The following PELI2 variants were observed in gnomAD, a reference collection of about 807,000 sequenced individuals.
PELI2 encodes pellino E3 ubiquitin protein ligase family member 2.
PELI2 carries 23 observed loss-of-function variants against 42.3 expected under a neutral mutation model. The ratio of observed to expected loss-of-function variants is 0.54; its 90% CI spans 0.39 to 0.77. PELI2 has a LOEUF of 0.77. Ranked by LOEUF, PELI2 falls within the 30% of genes least tolerant of loss-of-function variation. PELI2 has a pLI of 0.00. For synonymous variants in PELI2, 245 were observed against 212.2 expected, an observed-to-expected ratio of 1.15 and a Z score of -1.34; for missense variants, 463 against 553.2, an observed-to-expected ratio of 0.84 and a Z score of 1.64.
chr14:56,166,774 G>T (rs1434579243), intron 1 of PELI2, among the ~76,000 whole-genome samples: 1 of 123,696 alleles, frequency 8.1e-6, no homozygotes, highest in Non-Finnish European at 1.9e-5. Flanking sequence ...TTTGTTGATT[G>T]GTTTTTTTTT....
intron 2 of PELI2, among the ~76,000 whole-genome samples, chr14:56,249,085 A>C (rs547353456): frequency 6.6e-6 from 1 of 152,210 alleles, no homozygotes; most frequent in South Asian, 2.1e-4. Context: ...TGGCCATGGG[A>C]TATAGATTAT....
At chr14:56,141,319 G>A (rs546448590) in intron 1 of PELI2, among the ~76,000 whole-genome samples, 5 of 152,168 alleles carry the variant, frequency 3.3e-5, no homozygotes, top group African/African-American at 7.2e-5. Flanking sequence ...TTGTATGTGC[G>A]CCCCTGTGCC....
intron 2 of PELI2, among the ~76,000 whole-genome samples, chr14:56,253,662 C>T (rs1262517357): frequency 1.3e-5 from 2 of 152,130 alleles, no homozygotes; most frequent in African/African-American, 4.8e-5. Flanking sequence ...ATGATCTCTT[C>T]AAGGAGAACT....
At chr14:56,276,337 C>A (rs930978349) in intron 2 of PELI2, among the ~76,000 whole-genome samples, 3 of 152,230 alleles carry the variant, frequency 2.0e-5, no homozygotes, top group Admixed American at 2.0e-4. Context: ...TGACGATGAT[C>A]CTGCTGGTGG....
chr14:56,127,687 C>G (rs758324977), intron 1 of PELI2, among the ~76,000 whole-genome samples: 13 of 152,152 alleles, frequency 8.5e-5, no homozygotes, highest in Non-Finnish European at 4.4e-5. Flanking sequence ...GTTACTGCCT[C>G]CAGATTGAAC....
intron 1 of PELI2, among the ~76,000 whole-genome samples, chr14:56,126,457 A>T (rs561586833): frequency 5.3e-5 from 8 of 152,320 alleles, no homozygotes; most frequent in Admixed American, 5.2e-4. Context: ...GCTCATGCAG[A>T]ATCTGTTTTT....
chr14:56,250,233 C>T (rs1888298804), intron 2 of PELI2, among the ~76,000 whole-genome samples: 1 of 152,144 alleles, frequency 6.6e-6, no homozygotes, highest in African/African-American at 2.4e-5. Context: ...GGAAACATTT[C>T]TATTTGTTGA....
chr14:56,139,236 G>A (rs1048439070), intron 1 of PELI2, among the ~76,000 whole-genome samples: 1 of 152,182 alleles, frequency 6.6e-6, no homozygotes, highest in African/African-American at 2.4e-5. Context: ...CAAGGAAGGT[G>A]GAGGAGGAGG....
intron 1 of PELI2, among the ~76,000 whole-genome samples, chr14:56,177,440 T>C (rs930628740): frequency 1.3e-5 from 2 of 152,238 alleles, no homozygotes; most frequent in African/African-American, 4.8e-5. Flanking sequence ...TTCCTTGTTT[T>C]AGTTTTTTAT....
At chr14:56,174,845 C>T (rs1028749475) in intron 1 of PELI2, among the ~76,000 whole-genome samples, 1 of 152,170 alleles carries the variant, frequency 6.6e-6, no homozygotes, top group Non-Finnish European at 1.5e-5. Context: ...CAGGACGTTA[C>T]AGTCGGGCTC....
At chr14:56,154,558 C>T (rs982164366) in intron 1 of PELI2, among the ~76,000 whole-genome samples, 4 of 152,222 alleles carry the variant, frequency 2.6e-5, no homozygotes, top group Non-Finnish European at 5.9e-5. Context: ...CGTTAGTTTC[C>T]TGAGGCCTCC....
chr14:56,237,736 A>G (rs1383319280), intron 2 of PELI2, among the ~76,000 whole-genome samples: 2 of 150,890 alleles, frequency 1.3e-5, no homozygotes, highest in Non-Finnish European at 2.9e-5. Context: ...AGTTAGACAT[A>G]CTATTCCAGA....
intron 3 of PELI2, among the ~76,000 whole-genome samples, chr14:56,280,706 T>C (rs978497447): frequency 6.6e-6 from 1 of 152,136 alleles, no homozygotes; most frequent in Non-Finnish European, 1.5e-5. Context: ...AGAATTCATA[T>C]TCTTGGAATA....
chr14:56,230,223 G>A (rs1259519442), intron 2 of PELI2, among the ~76,000 whole-genome samples: 2 of 152,086 alleles, frequency 1.3e-5, no homozygotes, highest in African/African-American at 4.8e-5. Flanking sequence ...AGGCAGGCCA[G>A]CATTCAAATT....
At chr14:56,158,338 T>A (rs542262739) in intron 1 of PELI2, among the ~76,000 whole-genome samples, 1 of 151,478 alleles carries the variant, frequency 6.6e-6, no homozygotes, top group Non-Finnish European at 1.5e-5. Flanking sequence ...AAGATTCTTA[T>A]TTTAATTTAA....
At position 56,300,904 on chromosome 14, in the gene PELI2, A is replaced by G. The variant is rs918991237; in HGVS notation, c.*3738A>G. The G allele has an allele frequency of 6.6e-6, 1 of 152,242 alleles. No homozygotes were observed. The highest frequency in any genetic ancestry group is 6.5e-5 in the Admixed American group (1 of 15,278). 9.4% of individuals were successfully genotyped at this position (152,242 alleles called of 1,614,324 possible). A position where few individuals can be genotyped will look rare whatever the true frequency, so the allele number is the denominator to read the frequency against. ...TCATTGAAGCAGTAACACAAAAAAA[A>G]GGTTCAGTATTTTCTTTTTAGTATA... is the stretch of plus-strand genomic sequence containing the variant. On this transcript the variant is annotated 3_prime_UTR_variant, in exon 6 of 6. Transcript: ENST00000267460.
At chr14:56,146,280 A>G (rs1884114720) in intron 1 of PELI2, among the ~76,000 whole-genome samples, 1 of 152,200 alleles carries the variant, frequency 6.6e-6, no homozygotes, top group South Asian at 2.1e-4. Flanking sequence ...AGTGACAGAC[A>G]ATGGAAATGG....
chr14:56,149,106 C>G (rs1333843525), intron 1 of PELI2, among the ~76,000 whole-genome samples: 2 of 152,138 alleles, frequency 1.3e-5, no homozygotes, highest in African/African-American at 4.8e-5. Flanking sequence ...ACATTTTACC[C>G]AAATCCTTTC....
At chr14:56,174,823 G>T (rs144152741) in intron 1 of PELI2, among the ~76,000 whole-genome samples, 31 of 152,186 alleles carry the variant, frequency 2.0e-4, no homozygotes, top group African/African-American at 6.5e-4. Flanking sequence ...TGTGAGAATG[G>T]ACTAATACAA....
Sources: gnomAD v4.1 joint callset for allele counts (sites outside exome capture counted in the v4.1 genomes callset) on GRCh38, gnomAD v4.1.1 for gene constraint, MANE v1.5 for transcripts, NCBI Gene and HGNC (gene_info 2026-07-23, HGNC 2026-07-21) for gene names.